SGCZ: variants seen among roughly 807,000 people sequenced by gnomAD.
SGCZ encodes zeta-sarcoglycan.
A neutral mutation model predicts 41.3 loss-of-function variants in SGCZ; 40 were observed. The observed-to-expected ratio is 0.97, with a 90% CI of 0.75 to 1.26. The LOEUF is 1.26. Ranked by LOEUF, SGCZ falls within the 50% of genes most tolerant of loss-of-function variation. The pLI, the probability that SGCZ is intolerant of heterozygous loss-of-function variation, is 0.00. For missense variants in SGCZ, 552 were observed against 369.8 expected (o/e 1.49, Z -4.04); for synonymous variants, 206 against 137.5 (o/e 1.50, Z -3.49).
chr8:14,446,458 T>C (rs1174707666), intron 2 of SGCZ, among the ~76,000 whole-genome samples: 3 of 152,198 alleles, frequency 2.0e-5, no homozygotes, highest in Non-Finnish European at 4.4e-5. Flanking sequence ...AATTCTCTGA[T>C]TCCCAAATAA....
At chr8:14,608,820 G>A (rs866530601) in intron 1 of SGCZ, among the ~76,000 whole-genome samples, 4 of 151,906 alleles carry the variant, frequency 2.6e-5, no homozygotes, top group African/African-American at 9.7e-5. Flanking sequence ...AACCATATCG[G>A]CAAGTGTATC....
At chr8:14,326,674 A>T (rs1193842976) in intron 2 of SGCZ, among the ~76,000 whole-genome samples, 1 of 152,218 alleles carries the variant, frequency 6.6e-6, no homozygotes, top group Non-Finnish European at 1.5e-5. Context: ...GAACGATTTC[A>T]AGTGGAATTA....
chr8:14,749,079 CATT>C (rs1168916326), intron 1 of SGCZ, among the ~76,000 whole-genome samples: 1 of 152,000 alleles, frequency 6.6e-6, no homozygotes, highest in African/African-American at 2.4e-5. Context: ...TAGGTTAGCT[CATT>C]AAGTGAATTA....
At chr8:14,114,178 A>G (rs1794426739) in intron 5 of SGCZ, among the ~76,000 whole-genome samples, 1 of 152,050 alleles carries the variant, frequency 6.6e-6, no homozygotes, top group African/African-American at 2.4e-5. Flanking sequence ...TACATAGTTA[A>G]GGATCAGTAA....
At position 14,085,869 on chromosome 8, in the gene SGCZ, A is replaced by G. The variant is rs898846708; in HGVS notation, c.*4574T>C. On this transcript the variant is annotated 3_prime_UTR_variant, in exon 8 of 8. Transcript: ENST00000382080. The stretch of plus-strand genomic sequence containing the variant: ...TAAGCCCCCCTATTCATTTGAATAA[A>G]TTAGTAGGAGCAGCAGTGTTTTAGA... 1.2e-4 allele frequency among the ~76,000 whole-genome samples: 18 copies of G among 151,914 alleles called. No homozygotes were observed. Among genetic ancestry groups the G allele is most frequent in the African/African-American group, 4.3e-4 (18 of 41,524 alleles).
chr8:14,400,590 G>T (rs1799042952), intron 2 of SGCZ, among the ~76,000 whole-genome samples: 1 of 151,948 alleles, frequency 6.6e-6, no homozygotes, highest in South Asian at 2.1e-4. Flanking sequence ...AAATTATCAG[G>T]TTACTTTGCT....
At chr8:14,169,431 C>T (rs1270619086) in intron 4 of SGCZ, among the ~76,000 whole-genome samples, 2 of 152,124 alleles carry the variant, frequency 1.3e-5, no homozygotes, top group African/African-American at 4.8e-5. Context: ...TTACCAGTAA[C>T]TTCCAAGTCA....
chr8:14,483,729 G>C (rs1046195098), intron 2 of SGCZ, among the ~76,000 whole-genome samples: 3 of 152,046 alleles, frequency 2.0e-5, no homozygotes, highest in Non-Finnish European at 4.4e-5. Flanking sequence ...TTGGTTACTT[G>C]TATAAGAATA....
At chr8:14,325,143 G>A (rs1802048972) in intron 2 of SGCZ, among the ~76,000 whole-genome samples, 1 of 152,142 alleles carries the variant, frequency 6.6e-6, no homozygotes, top group Non-Finnish European at 1.5e-5. Flanking sequence ...TCAATAGCTT[G>A]AAATGATTGG....
At chr8:14,553,624 G>A (rs1563406575) in intron 2 of SGCZ, among the ~76,000 whole-genome samples, 1 of 152,032 alleles carries the variant, frequency 6.6e-6, no homozygotes, top group Non-Finnish European at 1.5e-5. Context: ...GCCCGCACAG[G>A]CTCCTTGCTC....
At chr8:15,026,117 T>C (rs899951804) in intron 1 of SGCZ, among the ~76,000 whole-genome samples, 4 of 151,932 alleles carry the variant, frequency 2.6e-5, no homozygotes, top group African/African-American at 9.7e-5. Context: ...CCAATAAGGT[T>C]TGTTTAAAAA....
At chr8:14,543,232 G>A (rs991452500) in intron 2 of SGCZ, among the ~76,000 whole-genome samples, 1 of 151,990 alleles carries the variant, frequency 6.6e-6, no homozygotes, top group Admixed American at 6.6e-5. Flanking sequence ...CTGTACTAGT[G>A]TGATTATATA....
chr8:14,230,559 GA>G (rs1806526391), intron 4 of SGCZ, among the ~76,000 whole-genome samples: 1 of 152,052 alleles, frequency 6.6e-6, no homozygotes. Flanking sequence ...ATTAATTGGT[GA>G]AGTATACGTC....
chr8:14,109,211 G>C (rs1046623543), intron 5 of SGCZ, among the ~76,000 whole-genome samples: 4 of 152,154 alleles, frequency 2.6e-5, no homozygotes, highest in Non-Finnish European at 2.9e-5. Flanking sequence ...GCTTTCCGAA[G>C]AGGTCATATA....
chr8:15,210,319 T>C (rs891620450), intron 1 of SGCZ, among the ~76,000 whole-genome samples: 1 of 152,300 alleles, frequency 6.6e-6, no homozygotes, highest in East Asian at 1.9e-4. Context: ...ATACTGTCTT[T>C]ATGATATGAA....
intron 2 of SGCZ, among the ~76,000 whole-genome samples, chr8:14,485,934 C>T (rs1801661017): frequency 6.7e-6 from 1 of 148,794 alleles, no homozygotes; most frequent in African/African-American, 2.4e-5. Flanking sequence ...CTCCGCTTCC[C>T]GGGTTCGCGC....
intron 1 of SGCZ, among the ~76,000 whole-genome samples, chr8:14,896,599 C>T (rs945751538): frequency 3.3e-5 from 5 of 151,840 alleles, no homozygotes; most frequent in African/African-American, 4.8e-5. Flanking sequence ...GCTGCAGCCT[C>T]CTAGGTAGCT....
intron 1 of SGCZ, among the ~76,000 whole-genome samples, chr8:14,817,282 T>A (rs1270318703): frequency 2.0e-5 from 3 of 152,016 alleles, no homozygotes; most frequent in Non-Finnish European, 4.4e-5. Context: ...TCATGGAGGA[T>A]TTTGTCTTAC....
At chr8:15,042,975 G>A (rs1173953636) in intron 1 of SGCZ, among the ~76,000 whole-genome samples, 2 of 152,072 alleles carry the variant, frequency 1.3e-5, no homozygotes, top group East Asian at 3.9e-4. Context: ...TTCTCCAAAG[G>A]CATAGAACTT....
Sources: allele counts gnomAD v4.1 joint callset (sites outside exome capture counted in the v4.1 genomes callset), GRCh38; gene constraint gnomAD v4.1.1; transcripts MANE v1.5; gene names NCBI Gene and HGNC (gene_info 2026-07-23, HGNC 2026-07-21).